The following ERC1 variants were observed in gnomAD, a reference collection of about 807,000 sequenced individuals.
ERC1 encodes RAB6 interacting protein 2.
ERC1 carries 56 observed loss-of-function variants against 132.0 expected under a neutral mutation model. The observed-to-expected ratio is 0.42, with a 90% confidence interval of 0.34 to 0.53. The LOEUF (loss-of-function observed/expected upper bound fraction) is 0.53, where lower values mean the gene tolerates loss of function less well. ERC1 is among the 20% of genes least tolerant of loss of function. ERC1 has a pLI of 0.03. For synonymous variants in ERC1, 478 were observed against 476.1 expected (o/e 1.00, Z -0.05); for missense variants, 1,202 against 1,349.9 (o/e 0.89, Z 1.72).
chr12:1,009,891 T>C (rs1964398048), intron 1 of ERC1, among the ~76,000 whole-genome samples: 1 of 152,216 alleles, frequency 6.6e-6, no homozygotes, highest in South Asian at 2.1e-4. Flanking sequence ...ATTTTTGTTA[T>C]AAAGTTTCAT....
Position 1,258,709 on chromosome 12 carries a change from ATGT to A in ERC1, c.2488-4320_2488-4318del, listed in dbSNP as rs966820135. On this transcript the variant is annotated intron_variant, in intron 13 of 18. Coordinates refer to ENST00000360905, the MANE Select transcript of ERC1 (RefSeq NM_178040.4). ...GTGATAATATTGTCCCTTTTAAAAA[ATGT>A]TGTTATTTAGAACATCCCATGGTTA... Among the ~76,000 whole-genome samples the A allele has an allele frequency of 1.2e-3, 190 of 152,344 alleles. 1 individual carries two copies. The highest frequency in any genetic ancestry group is 4.3e-3 in the African/African-American group (179 of 41,576).
At chr12:1,018,098 A>T (rs940545877) in intron 1 of ERC1, among the ~76,000 whole-genome samples, 1 of 152,234 alleles carries the variant, frequency 6.6e-6, no homozygotes, top group African/African-American at 2.4e-5. Context: ...ACAGTTTTTT[A>T]AAAAATTGAA....
At chr12:1,379,871 G>C (rs1482927572) in intron 16 of ERC1, among the ~76,000 whole-genome samples, 1 of 152,132 alleles carries the variant, frequency 6.6e-6, no homozygotes, top group East Asian at 1.9e-4. Flanking sequence ...GGAGGGGACA[G>C]CACAGTGATG....
At chr12:1,393,876 TGTG>T (rs1297871630) in intron 16 of ERC1, among the ~76,000 whole-genome samples, 1 of 147,894 alleles carries the variant, frequency 6.8e-6, no homozygotes, top group African/African-American at 2.5e-5. Flanking sequence ...ATTAGCCAAG[TGTG>T]GTGGCGGGCG....
At chr12:1,390,521 G>C (rs895287836) in intron 16 of ERC1, 3 of 152,084 alleles carry the variant, frequency 2.0e-5, no homozygotes, top group African/African-American at 7.2e-5. Flanking sequence ...ATCTAAATGG[G>C]AAGGTGAAAC....
In ERC1 at chr12:1,445,419, T is replaced by C. The variant is rs1014723950; in HGVS notation, c.3213+669T>C. 3.3e-5 allele frequency among the ~76,000 whole-genome samples: 5 copies of C among 151,886 alleles called. No homozygotes were observed. The East Asian group carries it at 7.8e-4, about 24-fold the overall frequency. On this transcript the variant is annotated intron_variant, in intron 18 of 18. Coordinates refer to ENST00000360905, the MANE Select transcript of ERC1 (RefSeq NM_178040.4). The stretch of plus-strand genomic sequence containing the variant: ...TAGTTTTTTGTGTTTTCAGTAGAGA[T>C]GGGGTTTCACCAAGCTGGCGAGGCT...
At chr12:1,447,692 C>G (rs1237725744) in intron 18 of ERC1, among the ~76,000 whole-genome samples, 1 of 151,808 alleles carries the variant, frequency 6.6e-6, no homozygotes, top group African/African-American at 2.4e-5. Flanking sequence ...CTCTGTCACC[C>G]AGGCTGGAGT....
intron 16 of ERC1, among the ~76,000 whole-genome samples, chr12:1,379,428 C>A (rs2088354120): frequency 6.6e-6 from 1 of 152,196 alleles, no homozygotes; most frequent in Non-Finnish European, 1.5e-5. Flanking sequence ...ATTCAGGGCA[C>A]TTGAGGTTTG....
chr12:1,005,907 T>C (rs563580178), intron 1 of ERC1, among the ~76,000 whole-genome samples: 30 of 152,056 alleles, frequency 2.0e-4, no homozygotes, highest in Non-Finnish European at 2.9e-4. Context: ...AAAATTCTTA[T>C]TATTATTACT....
intron 8 of ERC1, among the ~76,000 whole-genome samples, chr12:1,156,277 C>T (rs777841290): frequency 6.6e-6 from 1 of 151,934 alleles, no homozygotes; most frequent in Non-Finnish European, 1.5e-5. Context: ...CTCACTCTGT[C>T]GCCCAGGCTG....
intron 8 of ERC1, among the ~76,000 whole-genome samples, chr12:1,154,311 G>A (rs1057320941): frequency 1.4e-5 from 2 of 145,444 alleles, no homozygotes; most frequent in Non-Finnish European, 3.0e-5. Flanking sequence ...GCATATATAT[G>A]TGTGTGTGTA....
intron 2 of ERC1, among the ~76,000 whole-genome samples, chr12:1,066,465 C>A (rs1466541129): frequency 6.6e-6 from 1 of 152,170 alleles, no homozygotes; most frequent in African/African-American, 2.4e-5. Context: ...ACCCATGGTA[C>A]TTATGTTGCT....
intron 17 of ERC1, among the ~76,000 whole-genome samples, chr12:1,413,199 G>A (rs957892743): frequency 2.6e-5 from 4 of 152,104 alleles, no homozygotes; most frequent in Non-Finnish European, 4.4e-5. Context: ...GAAAGAATTA[G>A]CTGTCAAGCA....
intron 15 of ERC1, among the ~76,000 whole-genome samples, chr12:1,360,561 C>A (rs1448784136): frequency 6.6e-6 from 1 of 152,068 alleles, no homozygotes; most frequent in Non-Finnish European, 1.5e-5. Context: ...GACTTGGTGT[C>A]AAAATTAAAA....
At chr12:1,284,672 A>C (rs752044463) in intron 14 of ERC1, among the ~76,000 whole-genome samples, 1 of 152,016 alleles carries the variant, frequency 6.6e-6, no homozygotes, top group Non-Finnish European at 1.5e-5. Flanking sequence ...GGGTTTTTTT[A>C]GGAGTGGTTT....
intron 12 of ERC1, among the ~76,000 whole-genome samples, chr12:1,211,624 A>G (rs1183987654): frequency 6.6e-6 from 1 of 152,010 alleles, no homozygotes; most frequent in Non-Finnish European, 1.5e-5. Context: ...CAATGGCGCA[A>G]TCTTGGCTCA....
At chr12:1,361,313 A>G (rs148433710) in intron 15 of ERC1, among the ~76,000 whole-genome samples, 3,580 of 151,238 alleles carry the variant, frequency 0.024, 162 homozygotes, top group African/African-American at 0.084. Flanking sequence ...ATGCTAAATG[A>G]TGAGTTAATG....
intron 18 of ERC1, among the ~76,000 whole-genome samples, chr12:1,458,873 C>G (rs2093592864): frequency 6.6e-6 from 1 of 152,212 alleles, no homozygotes; most frequent in Non-Finnish European, 1.5e-5. Flanking sequence ...AGAGAGCTCA[C>G]TTACTACTCA....
intron 18 of ERC1, among the ~76,000 whole-genome samples, chr12:1,479,100 C>T (rs1270422556): frequency 2.6e-5 from 4 of 152,166 alleles, no homozygotes; most frequent in Non-Finnish European, 2.9e-5. Context: ...TGGCCATATA[C>T]GTGTAGGGTT....
Sources: allele counts gnomAD v4.1 joint callset (sites outside exome capture counted in the v4.1 genomes callset), GRCh38; gene constraint gnomAD v4.1.1; transcripts MANE v1.5; gene names NCBI Gene and HGNC (gene_info 2026-07-23, HGNC 2026-07-21).